The following USP33 variants were observed in gnomAD, a reference collection of about 807,000 sequenced individuals.
USP33 encodes ubiquitin carboxyl-terminal hydrolase 33.
USP33 carries 46 observed loss-of-function variants against 124.2 expected under a neutral mutation model. The ratio of observed to expected loss-of-function variants is 0.37; its 90% CI spans 0.29 to 0.47. The LOEUF is 0.47. Ranked by LOEUF, USP33 falls within the 20% of genes least tolerant of loss-of-function variation. The pLI is 0.99. For missense variants in USP33, 851 were observed against 1,070.6 expected, an observed-to-expected ratio of 0.79 and a Z score of 2.86; for synonymous variants, 350 against 352.3, an observed-to-expected ratio of 0.99 and a Z score of 0.07.
chr1:77,737,927 C>T (rs1012730631), intron 5 of USP33, among the ~76,000 whole-genome samples: 5 of 152,108 alleles, frequency 3.3e-5, no homozygotes, highest in Non-Finnish European at 7.4e-5. Context: ...CTACTTATTA[C>T]CATTCAGCTA....
chr1:77,698,900 A>G (rs1488216439), intron 22 of USP33, among the ~76,000 whole-genome samples: 1 of 152,208 alleles, frequency 6.6e-6, no homozygotes, highest in African/African-American at 2.4e-5. Flanking sequence ...GAAATTATAC[A>G]ATTAATTTGC....
intron 7 of USP33, 80 bp downstream of exon 7, chr1:77,734,267 T>C: frequency 9.2e-7 from 1 of 1,084,580 alleles, no homozygotes; most frequent in Admixed American, 2.7e-5. Flanking sequence ...GTTAGTCAAC[T>C]ACTATAGTTG....
intron 7 of USP33, 127 bp from the exon 8 acceptor site, chr1:77,730,858 G>T: frequency 1.8e-6 from 1 of 542,866 alleles, no homozygotes; most frequent in Non-Finnish European, 3.0e-6. Context: ...CCCTCTTACA[G>T]CTTCACTTTC....
At chr1:77,739,458 T>C (rs200961492) in intron 4 of USP33, 41 bp from the exon 5 acceptor site, 1 of 1,518,478 alleles carries the variant, frequency 6.6e-7, no homozygotes, top group Non-Finnish European at 8.8e-7. Flanking sequence ...GAACCAAAAT[T>C]ACATATACTT....
At position 77,723,251 on chromosome 1, in the gene USP33, A is replaced by T. The variant is rs1570783272; in HGVS notation, c.1389+80T>A. On this transcript the variant is annotated intron_variant, in intron 12 of 23. Coordinates refer to ENST00000370794, the MANE Select transcript of USP33 (RefSeq NM_201624.3). Reference sequence around the variant, plus strand: ...CATCAATAGCAAAGAGAAGGAATTAAACTTTTCACATCATCTTGTCACATT... The same window carrying T: ...CATCAATAGCAAAGAGAAGGAATTATACTTTTCACATCATCTTGTCACATT... 1.5e-5 allele frequency: 16 copies of T among 1,049,628 alleles called. No individual in the cohort carries two copies. The East Asian group carries it at 4.0e-4, about 27-fold the overall frequency. 65.0% of individuals were successfully genotyped at this position (1,049,628 alleles called of 1,614,324 possible). A position where few individuals can be genotyped will look rare whatever the true frequency, so the allele number is the denominator to read the frequency against.
chr1:77,716,185 A>G (rs950322866), intron 17 of USP33, among the ~76,000 whole-genome samples: 9 of 152,140 alleles, frequency 5.9e-5, no homozygotes, highest in Non-Finnish European at 4.4e-5. Context: ...CAGCCTCCTG[A>G]GTAATTGGAA....
intron 7 of USP33, 132 bp from the exon 8 acceptor site, chr1:77,730,863 A>C (rs191808043): frequency 3.8e-6 from 2 of 521,092 alleles, no homozygotes; most frequent in East Asian, 3.4e-5. Context: ...TTACAGCTTC[A>C]CTTTCATTCC....
intron 6 of USP33, 131 bp downstream of exon 6, chr1:77,735,925 C>T (rs899812990): frequency 3.1e-5 from 19 of 618,754 alleles, no homozygotes; most frequent in Admixed American, 2.2e-4. Flanking sequence ...TTTACTAGGC[C>T]AAATTTCAGA....
chr1:77,739,858 A>G (rs541849779), intron 4 of USP33, among the ~76,000 whole-genome samples: 1 of 152,314 alleles, frequency 6.6e-6, no homozygotes, highest in East Asian at 1.9e-4. Context: ...GCCTTTCACA[A>G]CCAGAGTTCT....
chr1:77,742,323 G>C (rs375579393), intron 1 of USP33, among the ~76,000 whole-genome samples: 1 of 152,120 alleles, frequency 6.6e-6, no homozygotes, highest in Non-Finnish European at 1.5e-5. Context: ...ATTCTTCGCT[G>C]TGAGGGATTG....
intron 14 of USP33, 82 bp from the exon 15 acceptor site, chr1:77,721,287 C>T: frequency 1.4e-6 from 2 of 1,450,886 alleles, no homozygotes; most frequent in Non-Finnish European, 1.9e-6. Context: ...TGATTTTGCC[C>T]CATGCTGACC....
intron 12 of USP33, 66 bp downstream of exon 12, chr1:77,723,265 T>C (rs1456163874): frequency 5.9e-6 from 7 of 1,178,296 alleles, no homozygotes; most frequent in East Asian, 4.8e-5. Flanking sequence ...TTTCACATCA[T>C]CTTGTCACAT....
intron 11 of USP33, among the ~76,000 whole-genome samples, chr1:77,724,043 C>T (rs76963695): frequency 0.01 from 1,560 of 151,982 alleles, 26 homozygotes; most frequent in African/African-American, 0.036. Context: ...TCTAAATTAG[C>T]ACAAAACCAC....
chr1:77,702,456 C>T (rs1674151419), intron 21 of USP33, among the ~76,000 whole-genome samples: 1 of 152,118 alleles, frequency 6.6e-6, no homozygotes, highest in South Asian at 2.1e-4. Context: ...TATTACCATG[C>T]TGCAATGAAT....
chr1:77,755,704 A>G (rs1437318405), intron 1 of USP33, among the ~76,000 whole-genome samples: 1 of 152,224 alleles, frequency 6.6e-6, no homozygotes, highest in African/African-American at 2.4e-5. Flanking sequence ...ACAAAAAAGT[A>G]AAATATATAA....
At chr1:77,705,117 TA>T (rs1432573442) in intron 21 of USP33, among the ~76,000 whole-genome samples, 29 of 91,410 alleles carry the variant, frequency 3.2e-4, no homozygotes, top group South Asian at 4.9e-4. Context: ...ATGCTTTGTT[TA>T]AAAAAAAAAG....
At position 77,730,648 on chromosome 1, in the gene USP33, T is replaced by G; in HGVS notation, c.608A>C (p.Lys203Thr). Residue 203 changes from lysine to threonine, a missense_variant, in exon 8 of 24, where the codon AAA (lysine) becomes ACA (threonine). By Grantham distance (78) the Lys-to-Thr change is moderately conservative. Coordinates refer to ENST00000370794, the MANE Select transcript of USP33 (RefSeq NM_201624.3). Reference protein sequence around the residue: ...KKPAICKSYLKLMTELWHKSR... With the variant: ...KKPAICKSYLTLMTELWHKSR... ...TTTATGCCACAGCTCTGTCATTAGT[T>G]TGAGATAACTTTTACAAATGGCAGG... 1 of 1,596,406 alleles carries G rather than the reference T, an allele frequency of 6.3e-7. No homozygotes were observed. Among genetic ancestry groups the G allele is most frequent in the Non-Finnish European group, 8.5e-7 (1 of 1,169,680 alleles).
In USP33 at chr1:77,696,037, T is replaced by C. The variant is rs1039913582; in HGVS notation, c.*1280A>G. On this transcript the variant is annotated 3_prime_UTR_variant, in exon 24 of 24. Coordinates refer to ENST00000370794, the MANE Select transcript of USP33 (RefSeq NM_201624.3). The stretch of plus-strand genomic sequence containing the variant: ...TGAGCTAATTTTAACAACATTGCTT[T>C]AGCTGGTGACAGCTGCCCCAAACCA... 3 of 152,236 alleles carry C rather than the reference T, an allele frequency of 2.0e-5. No individual in the cohort carries two copies. The highest frequency in any genetic ancestry group is 1.3e-4 in the Admixed American group (2 of 15,284). 9.4% of individuals were successfully genotyped at this position (152,236 alleles called of 1,614,324 possible). A position where few individuals can be genotyped will look rare whatever the true frequency, so the allele number is the denominator to read the frequency against.
chr1:77,697,662 C>T (rs1218108213), intron 23 of USP33, 188 bp from the exon 24 acceptor site: 19 of 905,440 alleles, frequency 2.1e-5, no homozygotes, highest in Non-Finnish European at 2.7e-5. Context: ...GTCAGAGATG[C>T]TTTTGCTTTG....
Sources: gnomAD v4.1 joint callset for allele counts (sites outside exome capture counted in the v4.1 genomes callset) on GRCh38, gnomAD v4.1.1 for gene constraint, MANE v1.5 for transcripts, NCBI Gene and HGNC (gene_info 2026-07-23, HGNC 2026-07-21) for gene names.